VPS53: variants seen among roughly 807,000 people sequenced by gnomAD.
VPS53 encodes vacuolar protein sorting-associated protein 53 homolog.
A neutral mutation model predicts 107.0 loss-of-function variants in VPS53; 70 were observed. The observed-to-expected ratio is 0.65, with a 90% CI of 0.54 to 0.80. VPS53 has a LOEUF of 0.80. Among genes scored for constraint, VPS53 ranks in the 30% least tolerant of loss-of-function variants. The pLI is 0.00. For missense variants in VPS53, 917 were observed against 1,049.4 expected, an observed-to-expected ratio of 0.87 and a Z score of 1.74; for synonymous variants, 409 against 393.3, an observed-to-expected ratio of 1.04 and a Z score of -0.47.
chr17:558,086 T>C (rs1017266540), intron 15 of VPS53, among the ~76,000 whole-genome samples: 1 of 152,170 alleles, frequency 6.6e-6, no homozygotes, highest in Non-Finnish European at 1.5e-5. Flanking sequence ...TCTTGGACTA[T>C]TGGCCTCAAG....
chr17:554,880 A>T (rs950291205), intron 15 of VPS53, among the ~76,000 whole-genome samples: 4 of 152,250 alleles, frequency 2.6e-5, no homozygotes, highest in Non-Finnish European at 5.9e-5. Flanking sequence ...TCAATGAAAT[A>T]AGGAGAATAA....
intron 5 of VPS53, among the ~76,000 whole-genome samples, chr17:656,486 G>A (rs1267071917): frequency 6.6e-6 from 1 of 152,226 alleles, no homozygotes; most frequent in Non-Finnish European, 1.5e-5. Context: ...GAGGGCAGGA[G>A]CAGTCTTCAG....
intron 4 of VPS53, among the ~76,000 whole-genome samples, chr17:664,035 A>T (rs951420933): frequency 6.6e-6 from 1 of 152,116 alleles, no homozygotes; most frequent in Admixed American, 6.5e-5. Flanking sequence ...ACAAATCGGG[A>T]CCTGCAGGAT....
chr17:711,962 G>A (rs575877865), intron 1 of VPS53, among the ~76,000 whole-genome samples: 6 of 151,996 alleles, frequency 3.9e-5, no homozygotes, highest in East Asian at 3.9e-4. Context: ...GACTACAGGC[G>A]CTCGCCACCA....
chr17:576,466 T>C (rs1914621161), intron 13 of VPS53, among the ~76,000 whole-genome samples: 1 of 148,574 alleles, frequency 6.7e-6, no homozygotes, highest in Non-Finnish European at 1.5e-5. Context: ...CCTAATGCAT[T>C]CCCAGAGAAT....
At chr17:597,962 C>CTCTCCCCACGG (rs1555561886) in intron 12 of VPS53, among the ~76,000 whole-genome samples, 23 of 141,398 alleles carry the variant, frequency 1.6e-4, no homozygotes, top group South Asian at 1.1e-3. Context: ...CTCCCTCTCC[C>CTCTCCCCACGG]TCTCCCTCTC....
chr17:606,892 A>G (rs890161915), intron 11 of VPS53, among the ~76,000 whole-genome samples: 1 of 126,938 alleles, frequency 7.9e-6, no homozygotes, highest in Non-Finnish European at 1.6e-5. Context: ...CACCTCTGGA[A>G]AAACTGTCTT....
intron 18 of VPS53, among the ~76,000 whole-genome samples, chr17:533,543 G>A (rs1909769897): frequency 6.6e-6 from 1 of 152,140 alleles, no homozygotes; most frequent in Admixed American, 6.5e-5. Context: ...CCCTCGCCTG[G>A]ACTGCCTTTC....
At chr17:706,405 C>T (rs558236186) in intron 2 of VPS53, among the ~76,000 whole-genome samples, 8 of 151,810 alleles carry the variant, frequency 5.3e-5, no homozygotes, top group South Asian at 2.1e-4. Context: ...GGCTTGGTGG[C>T]GCGTGTCTGT....
intron 5 of VPS53, chr17:657,329 GTATGT>G (rs1220511078): frequency 9.2e-6 from 7 of 757,598 alleles, no homozygotes; most frequent in Admixed American, 1.9e-5. Flanking sequence ...ACCCAGCAGG[GTATGT>G]TATATCAGTT....
chr17:679,045 T>C (rs1972283136), intron 4 of VPS53, among the ~76,000 whole-genome samples: 1 of 152,052 alleles, frequency 6.6e-6, no homozygotes, highest in Non-Finnish European at 1.5e-5. Context: ...AGAAGGAGCA[T>C]AAAGACAACA....
intron 12 of VPS53, 112 bp downstream of exon 12, chr17:601,683 C>T (rs1287235526): frequency 1.3e-6 from 1 of 746,670 alleles, no homozygotes; most frequent in Non-Finnish European, 2.2e-6. Context: ...ACCACAACAG[C>T]TGTCATCTCT....
chr17:679,487 C>G (rs1972306868), intron 4 of VPS53, among the ~76,000 whole-genome samples: 1 of 152,016 alleles, frequency 6.6e-6, no homozygotes, highest in Middle Eastern at 3.2e-3. Context: ...GCACTCCAGC[C>G]TGAGCAACAG....
intron 4 of VPS53, among the ~76,000 whole-genome samples, chr17:693,435 C>T (rs970013293): frequency 5.9e-5 from 9 of 151,980 alleles, no homozygotes; most frequent in Non-Finnish European, 2.9e-5. Flanking sequence ...TAAGTGGGGA[C>T]GACTTGTAAT....
chr17:599,089 C>A (rs1196241580), intron 12 of VPS53, among the ~76,000 whole-genome samples: 6 of 134,376 alleles, frequency 4.5e-5, no homozygotes, highest in Admixed American at 2.9e-4. Context: ...AAGTGAGGAG[C>A]CCCTCTGCCA....
At position 710,555 on chromosome 17, in the gene VPS53, T is replaced by C. The variant is rs774462711; in HGVS notation, c.146A>G (p.Asn49Ser). Residue 49 changes from asparagine (N) to serine (S), a missense_variant, in exon 2 of 22, where the codon AAT becomes AGT. Physicochemically the swap from Asn to Ser is conservative, Grantham distance 46. Coordinates refer to ENST00000437048, the MANE Select transcript of VPS53 (RefSeq NM_001128159.3). ...TACTTGCTCGGTTGGGAACAGGGTA[T>C]TGATATACTCAACAGCATTGAAATC... ...RADFNAVEYI[N>S]TLFPTEQSLA... is the part of the protein sequence containing the mutation. 3 of 1,613,934 alleles carry C rather than the reference T, an allele frequency of 1.9e-6. No homozygotes were observed. The highest frequency in any genetic ancestry group is 1.3e-5 in the African/African-American group (1 of 74,882).
chr17:631,629 CTG>C lies in VPS53; in HGVS notation c.609-3_609-2del, dbSNP rs1969965364. On this transcript the variant is annotated splice_acceptor_variant and splice_polypyrimidine_tract_variant and intron_variant, in intron 7 of 21. Transcript: ENST00000437048. LOFTEE classifies it high-confidence loss of function. The stretch of plus-strand genomic sequence containing the variant: ...TAACTCAGTCTGTGCAGCCTTCACT[CTG>C]TGAGGAAGAGAGAACATATCATCAC... 1 of 1,613,748 alleles carries C rather than the reference CTG, an allele frequency of 6.2e-7. No individual in the cohort carries two copies. The highest frequency in any genetic ancestry group is 8.5e-7 in the Non-Finnish European group (1 of 1,179,832).
rs8073132 is a variant in VPS53, at chr17:681,033, A to G, written c.285+16385T>C. Reference sequence around the variant, plus strand: ...TATGTATCTGTTAATCCATTTAAACATGACAATGATAAATATATTACATGT... The same window carrying G: ...TATGTATCTGTTAATCCATTTAAACGTGACAATGATAAATATATTACATGT... On this transcript the variant is annotated intron_variant, in intron 4 of 21. Transcript: ENST00000437048. 5.9e-3 allele frequency among the ~76,000 whole-genome samples: 892 copies of G among 152,376 alleles called. 9 individuals carry two copies. The highest frequency in any genetic ancestry group is 0.02 in the African/African-American group (848 of 41,596).
intron 17 of VPS53, 61 bp downstream of exon 17, chr17:551,811 A>G: frequency 7.0e-7 from 1 of 1,431,810 alleles, no homozygotes; most frequent in South Asian, 1.3e-5. Context: ...GACAAGGGCC[A>G]GTAGAAGCCA....
Sources: allele counts gnomAD v4.1 joint callset (sites outside exome capture counted in the v4.1 genomes callset), GRCh38; gene constraint gnomAD v4.1.1; transcripts MANE v1.5; gene names NCBI Gene and HGNC (gene_info 2026-07-23, HGNC 2026-07-21).